NAALADL2: variants seen among roughly 807,000 people sequenced by gnomAD.
The protein encoded by NAALADL2 is inactive N-acetylated-alpha-linked acidic dipeptidase-like protein 2.
Under a neutral mutation model 87.2 loss-of-function variants are expected in NAALADL2, and 76 were observed. That is an observed-to-expected ratio of 0.87 (90% CI 0.72 to 1.05). The LOEUF (loss-of-function observed/expected upper bound fraction) is 1.05. NAALADL2 is among the 50% of genes least tolerant of loss of function. NAALADL2 has a pLI of 0.00. For missense variants in NAALADL2, 1,089 were observed against 945.8 expected (o/e 1.15, Z -1.99); for synonymous variants, 354 against 331.0 (o/e 1.07, Z -0.75).
chr3:175,305,091 G>A (rs1317666495), intron 4 of NAALADL2, among the ~76,000 whole-genome samples: 1 of 151,732 alleles, frequency 6.6e-6, no homozygotes, highest in Admixed American at 6.6e-5. Context: ...AGTTAATTTT[G>A]TTCATTATTT....
At chr3:175,512,655 T>A (rs1731317568) in intron 9 of NAALADL2, among the ~76,000 whole-genome samples, 1 of 152,204 alleles carries the variant, frequency 6.6e-6, no homozygotes, top group African/African-American at 2.4e-5. Context: ...GGTGGCAATG[T>A]GGTGAAAAAT....
At chr3:174,461,342 A>G (rs1716203396) in intron 1 of NAALADL2, among the ~76,000 whole-genome samples, 1 of 152,108 alleles carries the variant, frequency 6.6e-6, no homozygotes, top group Non-Finnish European at 1.5e-5. Flanking sequence ...TAAACATTCT[A>G]TTGGCTATGT....
intron 1 of NAALADL2, among the ~76,000 whole-genome samples, chr3:175,028,742 A>G (rs149972192): frequency 1.4e-3 from 220 of 152,082 alleles, no homozygotes; most frequent in Admixed American, 3.3e-3. Flanking sequence ...CAGGATCTAA[A>G]TGAATATAAT....
Position 175,195,715 on chromosome 3 carries a change from C to G in NAALADL2, c.546-38216C>G, listed in dbSNP as rs1738887314. ...ATCTATCAGAAGGACATTTATATAT[C>G]AGCCTGTACAGGCATAAATTATTGT... On this transcript the variant is annotated intron_variant, in intron 2 of 13. Transcript: ENST00000454872. 2.0e-5 allele frequency among the ~76,000 whole-genome samples: 3 copies of G among 151,898 alleles called. No individual in the cohort carries two copies. In the South Asian group the frequency reaches 6.2e-4, roughly 31 times the overall value.
intron 3 of NAALADL2, among the ~76,000 whole-genome samples, chr3:174,791,336 G>T (rs1717432787): frequency 6.6e-6 from 1 of 152,124 alleles, no homozygotes; most frequent in Non-Finnish European, 1.5e-5. Context: ...AAAGGCGATT[G>T]TATTTGAGAG....
At chr3:174,890,868 AC>A (rs888709690) in intron 1 of NAALADL2, among the ~76,000 whole-genome samples, 4 of 152,130 alleles carry the variant, frequency 2.6e-5, no homozygotes, top group African/African-American at 9.6e-5. Flanking sequence ...GTGAAAATCA[AC>A]CACTTGTGGA....
At chr3:174,805,200 G>A (rs183049262) in intron 3 of NAALADL2, among the ~76,000 whole-genome samples, 1 of 152,210 alleles carries the variant, frequency 6.6e-6, no homozygotes, top group African/African-American at 2.4e-5. Flanking sequence ...GTAAAACCAA[G>A]TGGTTGCTTC....
chr3:175,096,740 T>C, intron 1 of NAALADL2, 50 bp from the exon 2 acceptor site: 1 of 1,257,176 alleles, frequency 8.0e-7, no homozygotes, highest in Non-Finnish European at 1.1e-6. Context: ...TTGTTAGTTT[T>C]TTTAATTGTG....
intron 1 of NAALADL2, among the ~76,000 whole-genome samples, chr3:175,057,669 G>A (rs894115699): frequency 6.6e-6 from 1 of 152,156 alleles, no homozygotes; most frequent in African/African-American, 2.4e-5. Context: ...AGGTGGCTGT[G>A]TAACAAATCC....
chr3:175,588,242 C>G (rs1465444181), intron 10 of NAALADL2, among the ~76,000 whole-genome samples: 1 of 152,112 alleles, frequency 6.6e-6, no homozygotes, highest in East Asian at 1.9e-4. Flanking sequence ...AATGTGGACA[C>G]CTGAGCCAAT....
chr3:175,678,925 T>C (rs1047795389), intron 11 of NAALADL2, among the ~76,000 whole-genome samples: 1 of 152,004 alleles, frequency 6.6e-6, no homozygotes, highest in African/African-American at 2.4e-5. Flanking sequence ...TTCACCTGGG[T>C]GCAGGCGGGC....
intron 2 of NAALADL2, among the ~76,000 whole-genome samples, chr3:175,129,581 C>T (rs80226197): frequency 0.066 from 10,115 of 152,158 alleles, 679 homozygotes; most frequent in African/African-American, 0.17. Flanking sequence ...TGAGTTATTT[C>T]ACTTAGCATA....
chr3:175,354,326 G>A (rs977610419), intron 5 of NAALADL2, among the ~76,000 whole-genome samples: 1 of 152,028 alleles, frequency 6.6e-6, no homozygotes, highest in African/African-American at 2.4e-5. Context: ...ATGTATTATA[G>A]ATTCAAAAAT....
At chr3:174,926,877 GGCTAAAT>G (rs1164026335) in intron 1 of NAALADL2, among the ~76,000 whole-genome samples, 1 of 151,960 alleles carries the variant, frequency 6.6e-6, no homozygotes, top group Non-Finnish European at 1.5e-5. Flanking sequence ...AATGTAAATG[GGCTAAAT>G]GCTGCAATTA....
intron 12 of NAALADL2, among the ~76,000 whole-genome samples, chr3:175,743,737 C>T (rs2150104354): frequency 6.6e-6 from 1 of 152,236 alleles, no homozygotes; most frequent in East Asian, 1.9e-4. Context: ...GCTGACAAGG[C>T]AGGAGGTGGT....
chr3:174,851,665 C>T (rs894981487), intron 3 of NAALADL2, among the ~76,000 whole-genome samples: 12 of 152,142 alleles, frequency 7.9e-5, no homozygotes, highest in Admixed American at 7.8e-4. Flanking sequence ...CTAATTGCTT[C>T]ACTGGAGAAT....
At chr3:175,154,608 T>C (rs1050138519) in intron 2 of NAALADL2, among the ~76,000 whole-genome samples, 3 of 152,148 alleles carry the variant, frequency 2.0e-5, no homozygotes, top group Non-Finnish European at 4.4e-5. Context: ...TTGCTTGTTT[T>C]CATTATTAAT....
intron 2 of NAALADL2, among the ~76,000 whole-genome samples, chr3:174,673,971 G>A (rs1279096856): frequency 6.6e-6 from 1 of 151,878 alleles, no homozygotes; most frequent in Non-Finnish European, 1.5e-5. Context: ...GCTGTTTTAG[G>A]CAATTCTTAC....
chr3:175,512,785 T>C (rs941642786), intron 9 of NAALADL2, among the ~76,000 whole-genome samples: 3 of 152,178 alleles, frequency 2.0e-5, no homozygotes, highest in Non-Finnish European at 4.4e-5. Flanking sequence ...TGCATGTTTC[T>C]TCTTCTCTGA....
Sources: allele counts gnomAD v4.1 joint callset (sites outside exome capture counted in the v4.1 genomes callset), GRCh38; gene constraint gnomAD v4.1.1; transcripts MANE v1.5; gene names NCBI Gene and HGNC (gene_info 2026-07-23, HGNC 2026-07-21).